CFAP251: variants seen among roughly 807,000 people sequenced by gnomAD.
CFAP251 encodes the protein cilia and flagella associated protein 251.
In CFAP251, 93 loss-of-function variants were observed where a neutral mutation model predicts 126.7. The observed-to-expected ratio is 0.73, with a 90% CI of 0.62 to 0.87. CFAP251 has a LOEUF of 0.87. Among genes scored for constraint, CFAP251 ranks in the 40% least tolerant of loss-of-function variants. The pLI is 0.00. For missense variants in CFAP251, 1,287 were observed against 1,389.2 expected (o/e 0.93, Z 1.17); for synonymous variants, 503 against 506.9 (o/e 0.99, Z 0.10).
In CFAP251 at chr12:121,943,057, T is replaced by G. The variant is rs546959650; in HGVS notation, c.1191+82T>G. ...GGCTGGGCGTGGTGGCTCACACCTGTAATCCCAGAACTTTGGGAGGCTGAG... is the reference window on the plus strand; with the variant it reads ...GGCTGGGCGTGGTGGCTCACACCTGGAATCCCAGAACTTTGGGAGGCTGAG... On this transcript the variant is annotated intron_variant, in intron 7 of 21. Coordinates refer to ENST00000288912, the MANE Select transcript of CFAP251 (RefSeq NM_144668.6). 176 of 1,460,504 alleles carry G rather than the reference T, an allele frequency of 1.2e-4. No homozygotes were observed. The Middle Eastern group carries it at 3.3e-3, about 27-fold the overall frequency. 90.5% of individuals were successfully genotyped at this position (1,460,504 alleles called of 1,614,324 possible).
Position 121,931,797 on chromosome 12 carries a change from C to T in CFAP251, c.799C>T (p.Arg267Ter), listed in dbSNP as rs745817765. The change falls in exon 4 of 22, where the codon CGA becomes TGA. Residue 267 changes from arginine to a stop codon, truncating the protein, a stop_gained. Transcript: ENST00000288912. LOFTEE classifies it high-confidence loss of function. ...WNSSLPVYYI[R>*]EERQRVLLYV... ...CAGTTCTCTTCCTGTTTACTATATT[C>T]GAGAGGAAAGGCAGAGAGTTCTTCT... 6.2e-6 allele frequency: 10 copies of T among 1,602,036 alleles called. No individual in the cohort carries two copies. The highest frequency in any genetic ancestry group is 4.6e-5 in the East Asian group (2 of 43,876).
chr12:121,943,229 C>T (rs1881195315), intron 7 of CFAP251, among the ~76,000 whole-genome samples: 1 of 151,922 alleles, frequency 6.6e-6, no homozygotes, highest in Non-Finnish European at 1.5e-5. Flanking sequence ...ATGAGAATTT[C>T]TTGAACCTGG....
chr12:121,934,412 CTG>C, intron 5 of CFAP251, 56 bp downstream of exon 5: 1 of 1,352,338 alleles, frequency 7.4e-7, no homozygotes, highest in Non-Finnish European at 1.0e-6. Flanking sequence ...GTATCTGCCA[CTG>C]TGTGACAGTG....
Position 121,979,725 on chromosome 12 carries a change from T to C in CFAP251, c.3006+4040T>C, listed in dbSNP as rs892778615. 4.6e-5 allele frequency among the ~76,000 whole-genome samples: 7 copies of C among 151,976 alleles called. No homozygotes were observed. The South Asian group carries it at 1.5e-3, about 32-fold the overall frequency. On this transcript the variant is annotated intron_variant, in intron 19 of 21. Coordinates refer to ENST00000288912, the MANE Select transcript of CFAP251 (RefSeq NM_144668.6). ...GATTACAGGCATGCACCACCATGCC[T>C]GGCTAATTTTTGTATTTTTTAGTAG...
intron 19 of CFAP251, among the ~76,000 whole-genome samples, chr12:121,983,124 G>T (rs898456429): frequency 6.6e-6 from 1 of 152,066 alleles, no homozygotes; most frequent in Admixed American, 6.6e-5. Flanking sequence ...ATACTTGGAG[G>T]GCTGAGGTGG....
intron 17 of CFAP251, among the ~76,000 whole-genome samples, chr12:121,971,205 A>C (rs1565918010): frequency 6.6e-6 from 1 of 152,166 alleles, no homozygotes; most frequent in Non-Finnish European, 1.5e-5. Flanking sequence ...CCTGGCCTGG[A>C]GGCCACAGAG....
intron 2 of CFAP251, among the ~76,000 whole-genome samples, chr12:121,923,186 G>A (rs774012303): frequency 6.7e-5 from 10 of 150,334 alleles, no homozygotes; most frequent in Non-Finnish European, 1.0e-4. Context: ...CCTTTCTGGG[G>A]TCTCACTTTG....
At chr12:121,972,984 C>T (rs1411560247) in intron 17 of CFAP251, among the ~76,000 whole-genome samples, 1 of 152,218 alleles carries the variant, frequency 6.6e-6, no homozygotes, top group Non-Finnish European at 1.5e-5. Flanking sequence ...TAACCAATAG[C>T]TGAATGTTAA....
At chr12:121,946,259 T>A (rs1157151257) in intron 7 of CFAP251, among the ~76,000 whole-genome samples, 1 of 152,236 alleles carries the variant, frequency 6.6e-6, no homozygotes, top group African/African-American at 2.4e-5. Flanking sequence ...TGAATAGTAG[T>A]GCATTGAATA....
Position 121,931,859 on chromosome 12 carries a change from G to T in CFAP251, c.861G>T (p.Val287=), listed in dbSNP as rs910644610. ...CTCACACTGCGATCATCTACAACGT[G>T]TTCAGGAACAATCAATACCACCTTC... ...VCAHTAIIYN[V]FRNNQYHLQG... is the part of the protein sequence containing the mutation. Residue 287 remains valine (V), a synonymous_variant, in exon 4 of 22, where the codon GTG becomes GTT. Transcript: ENST00000288912. 1.3e-6 allele frequency: 2 copies of T among 1,583,952 alleles called. No individual in the cohort carries two copies. The highest frequency in any genetic ancestry group is 1.7e-6 in the Non-Finnish European group (2 of 1,167,164).
chr12:121,920,890 C>G (rs973369708), intron 1 of CFAP251, among the ~76,000 whole-genome samples: 4 of 147,926 alleles, frequency 2.7e-5, no homozygotes, highest in Non-Finnish European at 4.4e-5. Context: ...CTCTTGTTAC[C>G]CAGGCTGGAG....
rs1454541863 is a variant in CFAP251, at chr12:121,969,817, C to T, written c.2771+1648C>T. 10 of 985,348 alleles carry T rather than the reference C, an allele frequency of 1.0e-5. No homozygotes were observed. The African/African-American group carries it at 1.0e-4, about 10-fold the overall frequency. The allele number at this position is 985,348 out of a possible 1,614,324, so 61.0% of individuals were successfully genotyped here. On this transcript the variant is annotated intron_variant, in intron 17 of 21. Transcript: ENST00000288912. ...AAATGTTTGTCTTCTTCTCAGTCGT[C>T]GTGGGATCTGGAATGGTAGAAATTT...
In CFAP251 at chr12:121,942,511, G is replaced by A. The variant is rs371189652; in HGVS notation, c.999-23G>A. 2.3e-4 allele frequency: 364 copies of A among 1,576,594 alleles called. 1 individual carries two copies. Among genetic ancestry groups the A allele is most frequent in the Non-Finnish European group, 3.1e-4 (353 of 1,149,284 alleles). Reference sequence around the variant, plus strand: ...AGCCAGGGAGACCTCAGCAAGTGTCGCCCCCCTTGTCCTGTTTTGCAGTAT... The same window carrying A: ...AGCCAGGGAGACCTCAGCAAGTGTCACCCCCCTTGTCCTGTTTTGCAGTAT... On this transcript the variant is annotated intron_variant, in intron 5 of 21. Transcript: ENST00000288912.
At chr12:121,984,944 C>T (rs1204647698) in intron 19 of CFAP251, among the ~76,000 whole-genome samples, 1 of 152,164 alleles carries the variant, frequency 6.6e-6, no homozygotes. Context: ...CCAGCAAGTG[C>T]CCACATGGTG....
chr12:121,951,586 T>C lies in CFAP251; in HGVS notation c.1320+56T>C, dbSNP rs561415723. The stretch of plus-strand genomic sequence containing the variant: ...AGATTTTGTGGAGAATAAATATTTA[T>C]GTGCAAGCTTAGCTGCTTCGGGCTA... On this transcript the variant is annotated intron_variant, in intron 9 of 21. Coordinates refer to ENST00000288912, the MANE Select transcript of CFAP251 (RefSeq NM_144668.6). 83 of 1,325,456 alleles carry C rather than the reference T, an allele frequency of 6.3e-5. No individual in the cohort carries two copies. The East Asian group carries it at 1.9e-3, about 31-fold the overall frequency. The allele number at this position is 1,325,456 out of a possible 1,614,324, so 82.1% of individuals were successfully genotyped here. A position where few individuals can be genotyped will look rare whatever the true frequency, so the allele number is the denominator to read the frequency against.
chr12:121,941,542 C>T (rs1161322065), intron 5 of CFAP251, among the ~76,000 whole-genome samples: 1 of 151,984 alleles, frequency 6.6e-6, no homozygotes. Context: ...CCATGTTGTC[C>T]AGGCTGATCT....
chr12:121,992,830 A>G (rs1882906155), intron 19 of CFAP251, among the ~76,000 whole-genome samples: 1 of 152,296 alleles, frequency 6.6e-6, no homozygotes, highest in African/African-American at 2.4e-5. Flanking sequence ...CCAGCCTCCT[A>G]AAGTGCTGGG....
At position 121,959,084 on chromosome 12, in the gene CFAP251, T is replaced by A; in HGVS notation, c.2123T>A (p.Met708Lys). Residue 708 changes from methionine (M) to lysine (K), a missense_variant, in exon 13 of 22, where the codon ATG (methionine) becomes AAG (lysine). By Grantham distance (95) the Met-to-Lys change is moderately conservative (BLOSUM62 -1). Coordinates refer to ENST00000288912, the MANE Select transcript of CFAP251 (RefSeq NM_144668.6). The stretch of plus-strand genomic sequence containing the variant: ...AGCTTTTCCCATGACTCCCAGTATA[T>A]GGCAACTGCTGTAAGTATTTTCATG... ...HISFSHDSQY[M>K]ATADRSFTVA... 6.3e-7 allele frequency: 1 copy of A among 1,589,356 alleles called. No individual in the cohort carries two copies. The highest frequency in any genetic ancestry group is 2.2e-5 in the East Asian group (1 of 44,666).
At chr12:121,973,760 A>G (rs971442500) in intron 17 of CFAP251, among the ~76,000 whole-genome samples, 5 of 152,170 alleles carry the variant, frequency 3.3e-5, no homozygotes, top group East Asian at 1.9e-4. Flanking sequence ...GTTTCGGCCA[A>G]TTCCTCCCAT....
Sources: allele counts gnomAD v4.1 joint callset (sites outside exome capture counted in the v4.1 genomes callset), GRCh38; gene constraint gnomAD v4.1.1; transcripts MANE v1.5; gene names NCBI Gene and HGNC (gene_info 2026-07-23, HGNC 2026-07-21).